Variants in TAF2 observed in about 807,000 individuals in gnomAD.
TAF2 encodes transcription initiation factor TFIID subunit 2.
TAF2 carries 61 observed loss-of-function variants against 138.5 expected under a neutral mutation model. The observed-to-expected ratio is 0.44, with a 90% confidence interval of 0.36 to 0.54. The LOEUF is 0.54. Among genes scored for constraint, TAF2 ranks in the 20% least tolerant of loss-of-function variants. TAF2 has a pLI of 0.00. For missense variants in TAF2, 1,090 were observed against 1,427.9 expected, an observed-to-expected ratio of 0.76 and a Z score of 3.81; for synonymous variants, 475 against 469.9, an observed-to-expected ratio of 1.01 and a Z score of -0.14.
At chr8:119,740,453 A>G (rs969473150) in intron 25 of TAF2, among the ~76,000 whole-genome samples, 4 of 145,966 alleles carry the variant, frequency 2.7e-5, no homozygotes, top group Non-Finnish European at 6.0e-5. Flanking sequence ...CAGGAGTTTG[A>G]GATGAGCCTG....
chr8:119,788,609 TTC>T (rs1223772875), intron 13 of TAF2, among the ~76,000 whole-genome samples, 162 bp from the exon 14 acceptor site: 1 of 129,204 alleles, frequency 7.7e-6, no homozygotes, highest in Admixed American at 9.2e-5. Flanking sequence ...AACTGGAAGA[TTC>T]TGAGTCCCCA....
chr8:119,801,672 C>G, intron 6 of TAF2, 122 bp downstream of exon 6: 1 of 883,566 alleles, frequency 1.1e-6, no homozygotes, highest in Non-Finnish European at 1.9e-6. Flanking sequence ...CTGTGATCCG[C>G]CCACCTTGGC....
chr8:119,768,619 A>G (rs1821612256), intron 18 of TAF2, among the ~76,000 whole-genome samples: 1 of 152,222 alleles, frequency 6.6e-6, no homozygotes, highest in African/African-American at 2.4e-5. Context: ...TGCAGATGAG[A>G]AATACATATT....
In TAF2 at chr8:119,746,762, G is replaced by A; in HGVS notation, c.3051C>T (p.Asn1017=). The part of the protein sequence containing the change: ...PTIIPESVAG[N]QEAANNPSSH... ...TGCTTGGATTATTTGCAGCTTCTTG[G>A]TTGCCTGCTACTGACTCTGGAATTA... The change falls in exon 23 of 26, where the codon AAC becomes AAT. Residue 1017 remains asparagine (N), a synonymous_variant. Coordinates refer to ENST00000378164, the MANE Select transcript of TAF2 (RefSeq NM_003184.4). 6.2e-7 allele frequency: 1 copy of A among 1,614,110 alleles called. No individual in the cohort carries two copies.
In TAF2 at chr8:119,791,470, T is replaced by G. The variant is rs368036233; in HGVS notation, c.1278-11A>C. ...AGATGGGAAGCCGGACTAAAAAAAA[T>G]AAACACATTTACCTAATACAGCAAA... is the stretch of plus-strand genomic sequence containing the variant. On this transcript the variant is annotated splice_polypyrimidine_tract_variant and intron_variant, in intron 10 of 25. Coordinates refer to ENST00000378164, the MANE Select transcript of TAF2 (RefSeq NM_003184.4). The G allele has an allele frequency of 4.3e-6, 7 of 1,610,904 alleles. No individual in the cohort carries two copies. The highest frequency in any genetic ancestry group is 5.9e-6 in the Non-Finnish European group (7 of 1,178,224).
chr8:119,788,255 T>C lies in TAF2; in HGVS notation c.1793+83A>G, dbSNP rs1370828030. ...AGTATAATTTAAAAAAAATTAGGTA[T>C]ACAAGAGAATTTTTATTTTGGCATT... On this transcript the variant is annotated intron_variant, in intron 14 of 25. Transcript: ENST00000378164. 11 of 1,236,144 alleles carry C rather than the reference T, an allele frequency of 8.9e-6. 1 individual carries two copies. The African/African-American group carries it at 1.2e-4, about 13-fold the overall frequency. The allele number at this position is 1,236,144 out of a possible 1,614,324, so 76.6% of individuals were successfully genotyped here.
rs539790120 is a variant in TAF2, at chr8:119,795,518, C to A, written c.1191+14G>T. ...TAAGACTTGTAAGTGGATAAGGGAT[C>A]TAGCTGTTATTACCTCTTTAATCCA... On this transcript the variant is annotated intron_variant, in intron 9 of 25. Coordinates refer to ENST00000378164, the MANE Select transcript of TAF2 (RefSeq NM_003184.4). 1 of 1,599,774 alleles carries A rather than the reference C, an allele frequency of 6.3e-7. No homozygotes were observed. The highest frequency in any genetic ancestry group is 1.7e-5 in the Admixed American group (1 of 59,968).
At chr8:119,740,380 C>T (rs1258349048) in intron 25 of TAF2, among the ~76,000 whole-genome samples, 1 of 151,254 alleles carries the variant, frequency 6.6e-6, no homozygotes, top group African/African-American at 2.4e-5. Flanking sequence ...TGTCGCCAGG[C>T]CTGGTGGCTC....
chr8:119,781,595 G>C (rs901662493), intron 16 of TAF2, among the ~76,000 whole-genome samples: 4 of 152,074 alleles, frequency 2.6e-5, no homozygotes, highest in African/African-American at 9.7e-5. Flanking sequence ...TGGGAGAACT[G>C]CTTGACTCAG....
chr8:119,732,789 G>C (rs1463125979), intron 25 of TAF2, among the ~76,000 whole-genome samples: 1 of 152,106 alleles, frequency 6.6e-6, no homozygotes, highest in Non-Finnish European at 1.5e-5. Context: ...GGGTGATAGA[G>C]TGAGACTCCA....
intron 21 of TAF2, among the ~76,000 whole-genome samples, chr8:119,757,765 G>A (rs991812865): frequency 7.9e-5 from 12 of 151,850 alleles, no homozygotes; most frequent in Non-Finnish European, 1.6e-4. Flanking sequence ...GTGTGGTGGC[G>A]CATGCCTGTA....
At position 119,793,847 on chromosome 8, in the gene TAF2, T is replaced by TTAAAATTATGTCATG. The variant is rs745521794; in HGVS notation, c.1192-397_1192-396insCATGACATAATTTTA. 3.1e-3 allele frequency among the ~76,000 whole-genome samples: 466 copies of TTAAAATTATGTCATG among 150,708 alleles called. 2 individuals carry two copies. Among genetic ancestry groups the TTAAAATTATGTCATG allele is most frequent in the South Asian group, 6.5e-3 (31 of 4,764 alleles). ...CTATCATTTTAAAACTTCTCCAGTC[T>TTAAAATTATGTCATG]TCTCTAACATGACATAAATTGAACT... On this transcript the variant is annotated intron_variant, in intron 9 of 25. Coordinates refer to ENST00000378164, the MANE Select transcript of TAF2 (RefSeq NM_003184.4).
intron 25 of TAF2, among the ~76,000 whole-genome samples, chr8:119,740,488 T>A (rs1371583832): frequency 3.5e-5 from 4 of 114,312 alleles, no homozygotes; most frequent in Non-Finnish European, 6.9e-5. Context: ...ATCCTGTCTC[T>A]ACTAAAAAAA....
intron 2 of TAF2, among the ~76,000 whole-genome samples, chr8:119,820,142 G>A (rs886440398): frequency 2.6e-5 from 4 of 152,124 alleles, no homozygotes; most frequent in African/African-American, 4.8e-5. Context: ...TCCAACACAT[G>A]AAAAACAGTT....
Position 119,742,649 on chromosome 8 carries a change from C to T in TAF2, c.3222G>A (p.Ser1074=), listed in dbSNP as rs751895747. The T allele has an allele frequency of 1.9e-5, 30 of 1,613,320 alleles. No homozygotes were observed. The highest frequency in any genetic ancestry group is 5.0e-5 in the Admixed American group (3 of 59,916). The change falls in exon 25 of 26, where the codon TCG becomes TCA. Residue 1074 remains serine (S), a synonymous_variant. Transcript: ENST00000378164. ...MLERPSTPGL[S]KYRPASSRSA... is the part of the protein sequence containing the mutation. ...ATCGGGAGCTAGCTGGCCGATATTT[C>T]GAGAGCCCTAAAATGCCAAACAAGA...
chr8:119,825,851 AT>A (rs35710501), intron 2 of TAF2, among the ~76,000 whole-genome samples: 80 of 144,922 alleles, frequency 5.5e-4, no homozygotes, highest in Middle Eastern at 3.6e-3. Flanking sequence ...CGCCTGGCTA[AT>A]TTTTTTTTTT....
At chr8:119,770,015 C>T (rs1483283177) in intron 18 of TAF2, among the ~76,000 whole-genome samples, 2 of 151,836 alleles carry the variant, frequency 1.3e-5, no homozygotes, top group Non-Finnish European at 1.5e-5. Context: ...TCTCAGCCTC[C>T]CAAAGTGCTG....
rs569005043 is a variant in TAF2 at position 119,756,734 on chromosome 8, G to A, written c.2769-619C>T. ...GGGTAACATTTAAACTCCCCTATTG[G>A]GAGTTTTTATCTCATATCAGAGGCT... is the stretch of plus-strand genomic sequence containing the variant. On this transcript the variant is annotated intron_variant, in intron 21 of 25. Transcript: ENST00000378164. 2.5e-3 allele frequency among the ~76,000 whole-genome samples: 377 copies of A among 152,210 alleles called. 4 individuals are homozygous for A. The highest frequency in any genetic ancestry group is 8.2e-3 in the African/African-American group (339 of 41,536).
chr8:119,740,521 C>G (rs1271090881), intron 25 of TAF2, among the ~76,000 whole-genome samples: 1 of 146,280 alleles, frequency 6.8e-6, no homozygotes, highest in African/African-American at 2.6e-5. Flanking sequence ...AAAAATTAGC[C>G]GGGTGTGGTG....
Sources: gnomAD v4.1 joint callset for allele counts (sites outside exome capture counted in the v4.1 genomes callset) on GRCh38, gnomAD v4.1.1 for gene constraint, MANE v1.5 for transcripts, NCBI Gene and HGNC (gene_info 2026-07-23, HGNC 2026-07-21) for gene names.